CELF2: variants seen among roughly 807,000 people sequenced by gnomAD.
CELF2 encodes the protein CUGBP Elav-like family member 2.
CELF2 carries 8 observed loss-of-function variants against 62.6 expected under a neutral mutation model. That is an observed-to-expected ratio of 0.13 (90% confidence interval 0.07 to 0.23). The LOEUF (loss-of-function observed/expected upper bound fraction) is 0.23. CELF2 is among the 10% of genes least tolerant of loss of function. CELF2 has a pLI of 1.00. For missense variants in CELF2, 333 were observed against 671.0 expected (o/e 0.50, Z 5.56); for synonymous variants, 258 against 250.0 (o/e 1.03, Z -0.30).
chr10:11,274,309 A>G (rs2085120151), intron 7 of CELF2, among the ~76,000 whole-genome samples: 2 of 152,232 alleles, frequency 1.3e-5, no homozygotes, highest in Non-Finnish European at 2.9e-5. Context: ...GCAGCACCCC[A>G]GGGGCTCCAT....
chr10:10,993,656 G>A lies in CELF2; in HGVS notation c.89+73657G>A, dbSNP rs2053655834. On this transcript the variant is annotated intron_variant, in intron 2 of 13. Coordinates refer to the CELF2 transcript ENST00000636488. The surrounding 1 kb of genome is among the most constrained non-coding windows in gnomAD (Gnocchi z 5.3). ...TGGAAGGAGCTTATTGTAGAAATAG[G>A]GCTTGTGCTGCATGATTCTAATGGG... 6.6e-6 allele frequency among the ~76,000 whole-genome samples: 1 copy of A among 152,186 alleles called. No individual in the cohort carries two copies.
chr10:10,677,991 C>A, the CELF2 span, among the ~76,000 whole-genome samples: 1 of 152,090 alleles, frequency 6.6e-6, no homozygotes, highest in Non-Finnish European at 1.5e-5. Flanking sequence ...TATAACATGA[C>A]CTAGTAAGTT....
At chr10:11,121,737 A>G (rs1184789725) in intron 1 of CELF2, among the ~76,000 whole-genome samples, 2 of 152,068 alleles carry the variant, frequency 1.3e-5, no homozygotes, top group Non-Finnish European at 2.9e-5. Context: ...TGATTTGTGG[A>G]AAAAAATGCT....
chr10:11,328,954 T>C lies in CELF2; in HGVS notation c.1467T>C (p.Ser489=), dbSNP rs773475872. Residue 489 remains serine, a synonymous_variant, in exon 13 of 13, where the codon TCT becomes TCC. Coordinates refer to ENST00000633077, the MANE Select transcript of CELF2 (RefSeq NM_001326342.2). The surrounding 1 kb of genome is among the most constrained non-coding windows in gnomAD (Gnocchi z 6.4). ...FGFVSYDNPV[S]AQAAIQAMNG... is the part of the protein sequence containing the mutation. ...TTGTTAGCTACGACAATCCAGTCTCTGCACAAGCTGCTATCCAAGCTATGA... is the reference window on the plus strand; with the variant it reads ...TTGTTAGCTACGACAATCCAGTCTCCGCACAAGCTGCTATCCAAGCTATGA... The C allele has an allele frequency of 1.2e-6, 2 of 1,613,154 alleles. No homozygotes were observed. The highest frequency in any genetic ancestry group is 8.5e-7 in the Non-Finnish European group (1 of 1,179,268).
the CELF2 span, among the ~76,000 whole-genome samples, chr10:10,585,554 A>C: frequency 5.9e-5 from 9 of 152,342 alleles, no homozygotes; most frequent in Middle Eastern, 3.4e-3. Context: ...GTATTTGTGC[A>C]ACATTTAACC....
At chr10:11,028,386 C>T (rs1304727751) in intron 1 of CELF2, among the ~76,000 whole-genome samples, 3 of 151,542 alleles carry the variant, frequency 2.0e-5, no homozygotes, top group South Asian at 2.1e-4. Flanking sequence ...GAAACCCAGC[C>T]GTTAAGGAAA....
chr10:11,040,315 T>C (rs1033367628), intron 1 of CELF2, among the ~76,000 whole-genome samples: 1 of 152,198 alleles, frequency 6.6e-6, no homozygotes, highest in South Asian at 2.1e-4. Flanking sequence ...AGGGTCTCTG[T>C]TTCGAAAACA....
intron 1 of CELF2, among the ~76,000 whole-genome samples, chr10:11,007,239 C>A (rs2055439154): frequency 6.6e-6 from 1 of 151,810 alleles, no homozygotes; most frequent in Non-Finnish European, 1.5e-5. Context: ...GTAAATATTC[C>A]CTATTGGATT....
the CELF2 span, among the ~76,000 whole-genome samples, chr10:10,773,892 C>T: frequency 1.6e-4 from 25 of 152,298 alleles, no homozygotes; most frequent in Non-Finnish European, 2.9e-4. Context: ...TGCCTAGTTG[C>T]AATGTGAATA....
At chr10:10,838,921 C>T (rs1263655523) in intron 1 of CELF2, among the ~76,000 whole-genome samples, 2 of 152,052 alleles carry the variant, frequency 1.3e-5, no homozygotes, top group South Asian at 2.1e-4. Context: ...GGGCAGGTCA[C>T]GAGGTCAGGA....
intron 1 of CELF2, among the ~76,000 whole-genome samples, chr10:11,151,061 A>G (rs1176991237): frequency 6.6e-6 from 1 of 152,188 alleles, no homozygotes; most frequent in Non-Finnish European, 1.5e-5. Flanking sequence ...AGGCTATTTA[A>G]TTGGTTAGAC....
chr10:10,814,201 G>A (rs2056215089), intron 1 of CELF2, among the ~76,000 whole-genome samples: 1 of 84,262 alleles, frequency 1.2e-5, no homozygotes, highest in South Asian at 4.1e-4. Flanking sequence ...GGAAGAAAGG[G>A]AAAGAAGAGT....
At chr10:10,560,181 A>G in the CELF2 span, among the ~76,000 whole-genome samples, 1 of 152,212 alleles carries the variant, frequency 6.6e-6, no homozygotes, top group Non-Finnish European at 1.5e-5. Context: ...ACTCGAAAAG[A>G]GAACTTGACT....
At chr10:11,221,481 G>GC (rs2064862442) in intron 3 of CELF2, among the ~76,000 whole-genome samples, 4 of 152,204 alleles carry the variant, frequency 2.6e-5, no homozygotes, top group Admixed American at 2.6e-4. Context: ...AGATGTCAGG[G>GC]CCAAATATCC....
At chr10:10,463,778 A>C in the CELF2 span, among the ~76,000 whole-genome samples, 1 of 152,122 alleles carries the variant, frequency 6.6e-6, no homozygotes, top group East Asian at 1.9e-4. Context: ...TGTTTCCTTT[A>C]AAAGCACGTG....
At chr10:10,743,255 T>A in the CELF2 span, among the ~76,000 whole-genome samples, 1 of 152,256 alleles carries the variant, frequency 6.6e-6, no homozygotes, top group African/African-American at 2.4e-5. Context: ...ATATAGCCAG[T>A]GGTCTCTATT....
At chr10:10,643,334 T>C in the CELF2 span, among the ~76,000 whole-genome samples, 1 of 152,118 alleles carries the variant, frequency 6.6e-6, no homozygotes, top group Admixed American at 6.5e-5. Context: ...TCTCATGCTG[T>C]TCTCTTGGTG....
chr10:10,602,499 T>C, the CELF2 span, among the ~76,000 whole-genome samples: 1 of 152,118 alleles, frequency 6.6e-6, no homozygotes, highest in Non-Finnish European at 1.5e-5. Flanking sequence ...AGATAGCTAA[T>C]GACAGCAGAT....
At chr10:10,973,653 A>T (rs1217895079) in intron 2 of CELF2, among the ~76,000 whole-genome samples, 1 of 152,086 alleles carries the variant, frequency 6.6e-6, no homozygotes, top group Non-Finnish European at 1.5e-5. Flanking sequence ...TGCAGCCTCA[A>T]CCTCCCAGGC....
Sources: allele counts gnomAD v4.1 joint callset (sites outside exome capture counted in the v4.1 genomes callset), GRCh38; gene constraint gnomAD v4.1.1; non-coding constraint Gnocchi (gnomAD v3.1); transcripts MANE v1.5; gene names NCBI Gene and HGNC (gene_info 2026-07-23, HGNC 2026-07-21).